Variants in SLC9A9 observed in about 807,000 individuals in gnomAD.
The protein encoded by SLC9A9 is sodium/hydrogen exchanger 9.
SLC9A9 carries 62 observed loss-of-function variants against 77.8 expected under a neutral mutation model. That is an observed-to-expected ratio of 0.80 (90% confidence interval 0.65 to 0.98). The LOEUF (loss-of-function observed/expected upper bound fraction) is 0.98. Among genes scored for constraint, SLC9A9 ranks in the 50% least tolerant of loss-of-function variants. The pLI is 0.00. For synonymous variants in SLC9A9, 320 were observed against 283.5 expected (o/e 1.13, Z -1.29); for missense variants, 775 against 774.9 (o/e 1.00, Z 0.00).
chr3:143,567,428 C>G (rs538150105), intron 8 of SLC9A9, among the ~76,000 whole-genome samples: 1 of 152,240 alleles, frequency 6.6e-6, no homozygotes, highest in African/African-American at 2.4e-5. Context: ...TGTACATACT[C>G]TCATCCTCTA....
At chr3:143,764,175 A>G (rs1229571427) in intron 4 of SLC9A9, among the ~76,000 whole-genome samples, 1 of 152,188 alleles carries the variant, frequency 6.6e-6, no homozygotes, top group Non-Finnish European at 1.5e-5. Flanking sequence ...ATTCTCATCA[A>G]GAGTCTGATG....
At chr3:143,585,612 AAGT>A (rs2037527556) in intron 6 of SLC9A9, among the ~76,000 whole-genome samples, 2 of 152,330 alleles carry the variant, frequency 1.3e-5, no homozygotes, top group Non-Finnish European at 2.9e-5. Flanking sequence ...AACCTGGTCA[AAGT>A]AGACTTTCTA....
At chr3:143,550,819 C>A (rs2036868691) in intron 9 of SLC9A9, among the ~76,000 whole-genome samples, 1 of 152,208 alleles carries the variant, frequency 6.6e-6, no homozygotes, top group South Asian at 2.1e-4. Context: ...CTATGTTCCT[C>A]ATGTCTCCCA....
chr3:143,420,063 A>C (rs2108526732), intron 12 of SLC9A9, among the ~76,000 whole-genome samples: 1 of 152,342 alleles, frequency 6.6e-6, no homozygotes, highest in Admixed American at 6.5e-5. Context: ...TAAACTGGAC[A>C]GGGTCATGTC....
At chr3:143,596,501 G>C (rs909625264) in intron 6 of SLC9A9, among the ~76,000 whole-genome samples, 1 of 151,784 alleles carries the variant, frequency 6.6e-6, no homozygotes, top group Non-Finnish European at 1.5e-5. Flanking sequence ...ATCATTTTTC[G>C]GTTTCCTCAT....
chr3:143,409,070 T>A (rs562661259), intron 12 of SLC9A9, among the ~76,000 whole-genome samples: 7 of 152,242 alleles, frequency 4.6e-5, no homozygotes, highest in Non-Finnish European at 8.8e-5. Context: ...TCAGTGGTTC[T>A]CAGAACTACT....
At chr3:143,270,503 T>A (rs937627717) in intron 14 of SLC9A9, among the ~76,000 whole-genome samples, 2 of 152,116 alleles carry the variant, frequency 1.3e-5, no homozygotes, top group Admixed American at 6.5e-5. Flanking sequence ...GGGTACGTGA[T>A]CTTTCTAGGG....
At position 143,407,575 on chromosome 3, in the gene SLC9A9, C is replaced by A. The variant is rs868473242; in HGVS notation, c.1470-25461G>T. ...TTTTATGATGTTTTGTGCAGTTGTT[C>A]ATCTTTAACCAGGGCCTATGGGTTC... On this transcript the variant is annotated intron_variant, in intron 12 of 15. Transcript: ENST00000316549. Among the ~76,000 whole-genome samples the A allele has an allele frequency of 3.2e-4, 49 of 152,184 alleles. 2 individuals carry two copies. The highest frequency in any genetic ancestry group is 1.1e-3 in the Admixed American group (17 of 15,292).
At chr3:143,438,262 C>T (rs749708800) in intron 12 of SLC9A9, among the ~76,000 whole-genome samples, 10 of 152,154 alleles carry the variant, frequency 6.6e-5, no homozygotes, top group African/African-American at 1.2e-4. Context: ...TGTGTCAGGG[C>T]GGTTGGTAGG....
rs1937684239 is a variant in SLC9A9 at position 143,265,601 on chromosome 3, A to ATCTT, written c.*1097_*1100dup. ...TTTCAAGAGGTGCTAGGCTTGAGGT[A>ATCTT]TCTTTATGGCTTAAAAGGCACAGGT... On this transcript the variant is annotated 3_prime_UTR_variant, in exon 16 of 16. Transcript: ENST00000316549. 1 of 320,570 alleles carries ATCTT rather than the reference A, an allele frequency of 3.1e-6. No homozygotes were observed. 19.9% of individuals were successfully genotyped at this position (320,570 alleles called of 1,614,324 possible).
At chr3:143,741,592 G>T (rs1241784445) in intron 4 of SLC9A9, among the ~76,000 whole-genome samples, 1 of 152,154 alleles carries the variant, frequency 6.6e-6, no homozygotes, top group Non-Finnish European at 1.5e-5. Context: ...TCCTTACAAA[G>T]AGTACACTAT....
At chr3:143,450,083 T>C (rs1252985737) in intron 12 of SLC9A9, among the ~76,000 whole-genome samples, 2 of 110,140 alleles carry the variant, frequency 1.8e-5, no homozygotes, top group East Asian at 2.4e-4. Flanking sequence ...TAATATAACA[T>C]ATATAAATAC....
chr3:143,688,362 G>A (rs1281592357), intron 5 of SLC9A9, among the ~76,000 whole-genome samples: 2 of 152,022 alleles, frequency 1.3e-5, no homozygotes, highest in East Asian at 3.9e-4. Flanking sequence ...GTTGTGTTTA[G>A]AGCTAGCTGA....
At chr3:143,425,229 C>T (rs1351412824) in intron 12 of SLC9A9, among the ~76,000 whole-genome samples, 22 of 145,586 alleles carry the variant, frequency 1.5e-4, no homozygotes, top group Non-Finnish European at 1.5e-4. Flanking sequence ...ATTTGGTGTA[C>T]ACTTAGTTTT....
intron 8 of SLC9A9, among the ~76,000 whole-genome samples, chr3:143,563,990 G>A (rs1020349949): frequency 1.5e-4 from 23 of 151,954 alleles, no homozygotes; most frequent in African/African-American, 5.6e-4. Flanking sequence ...CTGTCTTATC[G>A]CTGACCCACA....
chr3:143,266,964 G>A (rs373862408), intron 15 of SLC9A9, 35 bp from the exon 16 acceptor site: 7 of 1,597,422 alleles, frequency 4.4e-6, no homozygotes, highest in African/African-American at 1.3e-5. Flanking sequence ...GTCACTTCAT[G>A]ATGAAGGCAG....
chr3:143,709,002 C>A (rs565894310), intron 4 of SLC9A9, among the ~76,000 whole-genome samples: 4 of 152,254 alleles, frequency 2.6e-5, no homozygotes, highest in Non-Finnish European at 1.5e-5. Context: ...TCCTGATGAG[C>A]AGATAGGATC....
chr3:143,378,308 G>C, intron 13 of SLC9A9, among the ~76,000 whole-genome samples: 1 of 152,190 alleles, frequency 6.6e-6, no homozygotes, highest in Non-Finnish European at 1.5e-5. Flanking sequence ...CCAGTTAAGA[G>C]TGGAAGCTCT....
intron 4 of SLC9A9, among the ~76,000 whole-genome samples, chr3:143,767,229 T>G (rs1486281080): frequency 2.0e-5 from 3 of 152,146 alleles, no homozygotes; most frequent in Non-Finnish European, 2.9e-5. Flanking sequence ...CATGCCAGGG[T>G]GTCTTTGGGC....
Sources: allele counts gnomAD v4.1 joint callset (sites outside exome capture counted in the v4.1 genomes callset), GRCh38; gene constraint gnomAD v4.1.1; transcripts MANE v1.5; gene names NCBI Gene and HGNC (gene_info 2026-07-23, HGNC 2026-07-21).